The following DLGAP2 variants were observed in gnomAD, a reference collection of about 807,000 sequenced individuals.
The protein encoded by DLGAP2 is DLG associated protein 2.
Under a neutral mutation model 100.3 loss-of-function variants are expected in DLGAP2, and 26 were observed. The ratio of observed to expected loss-of-function variants is 0.26; its 90% CI spans 0.19 to 0.36. The LOEUF is 0.36. Ranked by LOEUF, DLGAP2 falls within the 10% of genes least tolerant of loss-of-function variation. DLGAP2 has a pLI of 1.00. For missense variants in DLGAP2, 1,858 were observed against 1,453.2 expected (o/e 1.28, Z -4.53); for synonymous variants, 886 against 630.1 (o/e 1.41, Z -6.08).
chr8:760,794 G>C (rs963254248), intron 1 of DLGAP2, among the ~76,000 whole-genome samples: 1 of 152,194 alleles, frequency 6.6e-6, no homozygotes, highest in Non-Finnish European at 1.5e-5. Flanking sequence ...GCTTCCACAG[G>C]TGCTCGGCAG....
chr8:1,198,982 C>G (rs1042304231), intron 2 of DLGAP2, among the ~76,000 whole-genome samples: 23 of 152,236 alleles, frequency 1.5e-4, no homozygotes, highest in Admixed American at 6.5e-5. Context: ...TGGATGAATC[C>G]TCAGAGCTGA....
intron 9 of DLGAP2, among the ~76,000 whole-genome samples, 160 bp from the exon 10 acceptor site, chr8:1,669,583 G>T (rs1007008989): frequency 6.6e-6 from 1 of 152,234 alleles, no homozygotes; most frequent in South Asian, 2.1e-4. Context: ...CTTGATTGCC[G>T]CTGGGGCGGC....
At chr8:1,285,708 C>A (rs544107573) in intron 3 of DLGAP2, among the ~76,000 whole-genome samples, 23 of 152,304 alleles carry the variant, frequency 1.5e-4, no homozygotes, top group African/African-American at 5.5e-4. Flanking sequence ...CTGGCTCATG[C>A]CTGTAATCCC....
chr8:1,261,279 A>C (rs1327838958), intron 3 of DLGAP2, among the ~76,000 whole-genome samples: 2 of 150,616 alleles, frequency 1.3e-5, no homozygotes, highest in African/African-American at 2.5e-5. Flanking sequence ...AGGGCAGGTC[A>C]GATTCCAGAT....
chr8:796,357 C>T (rs889585017), intron 1 of DLGAP2, among the ~76,000 whole-genome samples: 3 of 152,228 alleles, frequency 2.0e-5, no homozygotes, highest in African/African-American at 7.2e-5. Context: ...GTCACGGCCC[C>T]TCCGAGACTC....
intron 8 of DLGAP2, among the ~76,000 whole-genome samples, chr8:1,668,017 A>C (rs1203478232): frequency 1.3e-5 from 2 of 151,690 alleles, no homozygotes; most frequent in African/African-American, 4.9e-5. Flanking sequence ...CACGTTGCCT[A>C]GCTGTGTCTC....
chr8:1,337,998 T>C (rs947218594), intron 3 of DLGAP2, among the ~76,000 whole-genome samples: 5 of 152,202 alleles, frequency 3.3e-5, no homozygotes, highest in Admixed American at 6.5e-5. Flanking sequence ...GCAATTGCAT[T>C]CCCACTAGGA....
At chr8:741,447 T>C (rs1375288519) in intron 1 of DLGAP2, among the ~76,000 whole-genome samples, 1 of 152,216 alleles carries the variant, frequency 6.6e-6, no homozygotes, top group African/African-American at 2.4e-5. Flanking sequence ...CCTCAGGTCA[T>C]GGGCCTTGAC....
At chr8:1,554,453 C>T (rs182721358) in intron 5 of DLGAP2, among the ~76,000 whole-genome samples, 1 of 152,256 alleles carries the variant, frequency 6.6e-6, no homozygotes, top group African/African-American at 2.4e-5. Flanking sequence ...TCTGGCCCTC[C>T]TGCCACAGGC....
chr8:1,517,187 C>G (rs1800422014), intron 4 of DLGAP2, among the ~76,000 whole-genome samples: 1 of 152,156 alleles, frequency 6.6e-6, no homozygotes, highest in Admixed American at 6.5e-5. Context: ...GTGCTTCATT[C>G]TGTCTTTTGA....
chr8:1,213,983 C>G (rs914404573), intron 2 of DLGAP2, among the ~76,000 whole-genome samples: 2 of 151,740 alleles, frequency 1.3e-5, no homozygotes, highest in East Asian at 1.9e-4. Context: ...CAGAGGCCGC[C>G]TCTGCCCTAG....
At chr8:979,067 A>G (rs1800254505) in intron 2 of DLGAP2, among the ~76,000 whole-genome samples, 1 of 152,128 alleles carries the variant, frequency 6.6e-6, no homozygotes, top group Non-Finnish European at 1.5e-5. Flanking sequence ...ATGCAGTCCG[A>G]ATGCTAGCCC....
intron 3 of DLGAP2, among the ~76,000 whole-genome samples, chr8:1,304,466 T>C (rs1800442768): frequency 6.6e-6 from 1 of 152,158 alleles, no homozygotes; most frequent in Non-Finnish European, 1.5e-5. Flanking sequence ...AAAACAAACA[T>C]TAAACACTTT....
At chr8:920,403 C>A (rs4735958) in intron 2 of DLGAP2, among the ~76,000 whole-genome samples, 1 of 152,242 alleles carries the variant, frequency 6.6e-6, no homozygotes, top group Non-Finnish European at 1.5e-5. Flanking sequence ...TCCCTTTCTA[C>A]GGAGCAGAGT....
chr8:1,188,467 C>G, intron 2 of DLGAP2, among the ~76,000 whole-genome samples: 1 of 134,010 alleles, frequency 7.5e-6, no homozygotes, highest in South Asian at 2.3e-4. Flanking sequence ...GAATCTCGCA[C>G]GCCCGGGACT....
intron 1 of DLGAP2, among the ~76,000 whole-genome samples, chr8:780,677 G>T (rs1016058484): frequency 2.6e-5 from 4 of 152,236 alleles, no homozygotes; most frequent in African/African-American, 9.6e-5. Flanking sequence ...ATGCTGGTTA[G>T]CTCAGTCTGC....
At chr8:851,242 G>T (rs188160960) in intron 1 of DLGAP2, among the ~76,000 whole-genome samples, 1 of 152,204 alleles carries the variant, frequency 6.6e-6, no homozygotes, top group African/African-American at 2.4e-5. Context: ...CAACCCAGGG[G>T]TGTGGTAGAA....
chr8:1,318,799 C>T (rs1740073036), intron 3 of DLGAP2, among the ~76,000 whole-genome samples: 1 of 138,626 alleles, frequency 7.2e-6, no homozygotes, highest in South Asian at 2.5e-4. Flanking sequence ...GCCCCCTCGC[C>T]CATCCTTGGG....
At chr8:1,223,439 T>G (rs1798356248) in intron 2 of DLGAP2, among the ~76,000 whole-genome samples, 1 of 152,194 alleles carries the variant, frequency 6.6e-6, no homozygotes, top group African/African-American at 2.4e-5. Flanking sequence ...AGAAGTACTT[T>G]GAAACAATTA....
Sources: gnomAD v4.1 joint callset for allele counts (sites outside exome capture counted in the v4.1 genomes callset) on GRCh38, gnomAD v4.1.1 for gene constraint, MANE v1.5 for transcripts, NCBI Gene and HGNC (gene_info 2026-07-23, HGNC 2026-07-21) for gene names.